Variants in CUX2 observed in about 807,000 individuals in gnomAD.
The protein encoded by CUX2 is homeobox protein cut-like 2.
A neutral mutation model predicts 144.8 loss-of-function variants in CUX2; 40 were observed. The observed-to-expected ratio is 0.28, with a 90% CI of 0.21 to 0.36. The LOEUF is 0.36. Ranked by LOEUF, CUX2 falls within the 10% of genes least tolerant of loss-of-function variation. The pLI is 1.00. For synonymous variants in CUX2, 827 were observed against 875.6 expected (o/e 0.94, Z 0.98); for missense variants, 1,615 against 1,994.0 (o/e 0.81, Z 3.62).
At chr12:111,333,186 G>T (rs1888195711) in intron 18 of CUX2, among the ~76,000 whole-genome samples, 1 of 152,096 alleles carries the variant, frequency 6.6e-6, no homozygotes, top group African/African-American at 2.4e-5. Flanking sequence ...TTCAGCCTGG[G>T]TGAAGTTTTT....
At chr12:111,121,375 T>TCTTTTTTC in intron 1 of CUX2, among the ~76,000 whole-genome samples, 1 of 122,656 alleles carries the variant, frequency 8.2e-6, no homozygotes, top group African/African-American at 3.8e-5. Context: ...TTTTCTTTTT[T>TCTTTTTTC]TTTTTTTTTT....
At chr12:111,324,422 G>A (rs1887679611) in intron 18 of CUX2, among the ~76,000 whole-genome samples, 1 of 151,856 alleles carries the variant, frequency 6.6e-6, no homozygotes, top group South Asian at 2.1e-4. Context: ...AGGTTGCACT[G>A]GGCAGGGAGG....
At chr12:111,161,720 T>A (rs1403727537) in intron 1 of CUX2, among the ~76,000 whole-genome samples, 1 of 152,042 alleles carries the variant, frequency 6.6e-6, no homozygotes, top group African/African-American at 2.4e-5. Flanking sequence ...TGAGTGTCGC[T>A]GGATGCCATT....
In CUX2 at chr12:111,057,299, G is replaced by A. The variant is rs1399038086; in HGVS notation, c.63+23059G>A. Among the ~76,000 whole-genome samples the A allele has an allele frequency of 6.6e-6, 1 of 152,052 alleles. No individual in the cohort carries two copies. The highest frequency in any genetic ancestry group is 2.4e-5 in the African/African-American group (1 of 41,374). On this transcript the variant is annotated intron_variant, in intron 1 of 21. Coordinates refer to ENST00000261726, the MANE Select transcript of CUX2 (RefSeq NM_015267.4). The surrounding 1 kb of genome is among the most constrained non-coding windows in gnomAD (Gnocchi z 5.1). ...GCTGGAGTGGATGTTACAGGAAGCT[G>A]TGTGAGGGCAATGGGTGTGGCAGGA... is the stretch of plus-strand genomic sequence containing the variant.
intron 2 of CUX2, among the ~76,000 whole-genome samples, 187 bp from the exon 3 acceptor site, chr12:111,217,703 C>T (rs11065830): frequency 4.0e-4 from 61 of 152,320 alleles, no homozygotes; most frequent in African/African-American, 1.4e-3. Context: ...TTGGACTTGA[C>T]GTTTCCCAGT....
At position 111,077,126 on chromosome 12, in the gene CUX2, C is replaced by G. The variant is rs552127113; in HGVS notation, c.63+42886C>G. Among the ~76,000 whole-genome samples the G allele has an allele frequency of 3.8e-4, 58 of 152,314 alleles. No homozygotes were observed. Among genetic ancestry groups the G allele is most frequent in the Middle Eastern group, 3.4e-3 (1 of 294 alleles). Reference sequence around the variant, plus strand: ...TGTTTGCAGAATACATCTCTGCCCCCCTTGACTATTTATTTTTTCCTTTGC... The same window carrying G: ...TGTTTGCAGAATACATCTCTGCCCCGCTTGACTATTTATTTTTTCCTTTGC... On this transcript the variant is annotated intron_variant, in intron 1 of 21. Coordinates refer to ENST00000261726, the MANE Select transcript of CUX2 (RefSeq NM_015267.4). This position sits in a 1 kb window ranked among gnomAD's most constrained non-coding sequence, Gnocchi z 4.1.
intron 10 of CUX2, among the ~76,000 whole-genome samples, chr12:111,306,565 C>T (rs1886593402): frequency 6.6e-6 from 1 of 152,084 alleles, no homozygotes; most frequent in Non-Finnish European, 1.5e-5. Context: ...TCCCTTATTG[C>T]CTAGAATGGG....
chr12:111,325,625 G>C (rs117004786), intron 18 of CUX2, among the ~76,000 whole-genome samples: 1,838 of 145,190 alleles, frequency 0.013, 69 homozygotes, highest in East Asian at 0.088. Context: ...ATAGTGTTGT[G>C]GTGGGGAGGG....
chr12:111,159,875 A>G (rs1439278761), intron 1 of CUX2, among the ~76,000 whole-genome samples: 2 of 152,154 alleles, frequency 1.3e-5, no homozygotes, highest in African/African-American at 4.8e-5. Flanking sequence ...AAATACAAAA[A>G]TTAGCCAGGG....
chr12:111,318,445 G>A (rs1887314797), intron 16 of CUX2, among the ~76,000 whole-genome samples: 1 of 151,006 alleles, frequency 6.6e-6, no homozygotes, highest in African/African-American at 2.4e-5. Context: ...AAAGGGCACG[G>A]TAGCTCATAC....
intron 1 of CUX2, among the ~76,000 whole-genome samples, chr12:111,091,399 A>G (rs111815997): frequency 0.014 from 2,059 of 152,244 alleles, 47 homozygotes; most frequent in African/African-American, 0.047. Context: ...GCGGAGGTCA[A>G]GTGCAACCGG....
intron 1 of CUX2, among the ~76,000 whole-genome samples, chr12:111,179,597 GT>G (rs1162080359): frequency 9.5e-4 from 100 of 104,740 alleles, no homozygotes; most frequent in African/African-American, 3.7e-3. Context: ...CGCCGTGGTT[GT>G]TGTTGTTGTT....
intron 1 of CUX2, among the ~76,000 whole-genome samples, chr12:111,140,798 C>A (rs1400357235): frequency 6.6e-6 from 1 of 152,248 alleles, no homozygotes; most frequent in Non-Finnish European, 1.5e-5. Context: ...TTTACACTAC[C>A]TCTCTGAGCT....
chr12:111,269,189 C>G (rs1352895131), intron 4 of CUX2, among the ~76,000 whole-genome samples: 1 of 152,144 alleles, frequency 6.6e-6, no homozygotes, highest in East Asian at 1.9e-4. Context: ...ATATATGTGT[C>G]CAGCTTTCCT....
chr12:111,114,295 G>A (rs1339533806), intron 1 of CUX2, among the ~76,000 whole-genome samples: 1 of 151,884 alleles, frequency 6.6e-6, no homozygotes, highest in Non-Finnish European at 1.5e-5. Flanking sequence ...TTCTAATAGG[G>A]GCATAGCAGT....
At chr12:111,125,513 T>A (rs567802685) in intron 1 of CUX2, among the ~76,000 whole-genome samples, 1 of 152,340 alleles carries the variant, frequency 6.6e-6, no homozygotes, top group South Asian at 2.1e-4. Context: ...CTCCACAGTG[T>A]AGCCTTTTAT....
intron 1 of CUX2, among the ~76,000 whole-genome samples, chr12:111,162,877 C>T (rs1346728323): frequency 1.3e-5 from 2 of 152,072 alleles, no homozygotes; most frequent in Non-Finnish European, 2.9e-5. Flanking sequence ...GAAACCCCAT[C>T]TCTAATAAAA....
At chr12:111,268,312 C>G (rs1592901140) in intron 4 of CUX2, among the ~76,000 whole-genome samples, 1 of 150,808 alleles carries the variant, frequency 6.6e-6, no homozygotes, top group South Asian at 2.1e-4. Flanking sequence ...GCAGCCTTGA[C>G]CTCCTGAGCT....
intron 3 of CUX2, among the ~76,000 whole-genome samples, chr12:111,244,860 G>A (rs1258018879): frequency 6.6e-6 from 1 of 152,180 alleles, no homozygotes; most frequent in East Asian, 1.9e-4. Flanking sequence ...AGATTTCATT[G>A]CTGTGCAAGG....
Sources: gnomAD v4.1 joint callset for allele counts (sites outside exome capture counted in the v4.1 genomes callset) on GRCh38, gnomAD v4.1.1 for gene constraint, Gnocchi (gnomAD v3.1) non-coding constraint, MANE v1.5 for transcripts, NCBI Gene and HGNC (gene_info 2026-07-23, HGNC 2026-07-21) for gene names.